DIDO1: variants seen among roughly 807,000 people sequenced by gnomAD.
DIDO1 encodes death-inducer obliterator 1.
DIDO1 carries 16 observed loss-of-function variants against 99.4 expected under a neutral mutation model. The ratio of observed to expected loss-of-function variants is 0.16; its 90% CI spans 0.11 to 0.24. The LOEUF (loss-of-function observed/expected upper bound fraction) is 0.24, where lower values mean the gene tolerates loss of function less well. Among genes scored for constraint, DIDO1 ranks in the 10% least tolerant of loss-of-function variants. The pLI, the probability that DIDO1 is intolerant of heterozygous loss-of-function variation, is 1.00. For synonymous variants in DIDO1, 1,366 were observed against 1,239.1 expected (o/e 1.10, Z -2.15); for missense variants, 2,996 against 3,014.0 (o/e 0.99, Z 0.14).
In DIDO1 at chr20:62,881,287, G is replaced by A. The variant is rs1487504993; in HGVS notation, c.4669C>T (p.His1557Tyr). The change falls in exon 16 of 16, where the codon CAC (histidine) becomes TAC (tyrosine). Residue 1557 changes from histidine to tyrosine, a missense_variant. Physicochemically the swap from His to Tyr is moderately conservative, Grantham distance 83. This residue lies in a region of DIDO1 where 1,562 missense variants were observed against 1,412.6 expected (regional missense o/e 1.11). Transcript: ENST00000395343. The surrounding 1 kb of genome is among the most constrained non-coding windows in gnomAD (Gnocchi z 8.3). ...CGCCTCGCCTGCCGGGGGTCCCTGT[G>A]GTTTGACGCCTGGCTGGCGGGGGGC... ...SLPPASQASN[H>Y]RDPRQARRLA... 1 of 1,605,204 alleles carries A rather than the reference G, an allele frequency of 6.2e-7. No individual in the cohort carries two copies. The highest frequency in any genetic ancestry group is 8.5e-7 in the Non-Finnish European group (1 of 1,179,720).
At chr20:62,882,445 G>T (rs764249151) in intron 15 of DIDO1, 31 bp from the exon 16 acceptor site, 2 of 1,581,920 alleles carry the variant, frequency 1.3e-6, no homozygotes, top group East Asian at 2.2e-5. Flanking sequence ...GCAAATTTTA[G>T]AATCTAAATC....
chr20:62,930,930 T>C (rs1191121302), upstream of DIDO1, among the ~76,000 whole-genome samples: 1 of 152,220 alleles, frequency 6.6e-6, no homozygotes, highest in Non-Finnish European at 1.5e-5. Context: ...TTAGAAAGAA[T>C]GAGCTGCAGT....
rs74385125 is a variant in DIDO1 at position 62,923,188 on chromosome 20, T to A, written c.-200+3251A>T. 7.9e-3 allele frequency among the ~76,000 whole-genome samples: 1,203 copies of A among 151,910 alleles called. 8 individuals carry two copies. Among genetic ancestry groups the A allele is most frequent in the African/African-American group, 0.019 (790 of 41,422 alleles). Reference sequence around the variant, plus strand: ...CATGCTTGGCCTAATTATTATTATTTTTTTTTTGAGACAGAGTCTCACTGT... The same window carrying A: ...CATGCTTGGCCTAATTATTATTATTATTTTTTTGAGACAGAGTCTCACTGT... On this transcript the variant is annotated intron_variant, in intron 1 of 15. Coordinates refer to ENST00000395343, the MANE Select transcript of DIDO1 (RefSeq NM_001193369.2).
intron 5 of DIDO1, 126 bp from the exon 6 acceptor site, chr20:62,906,226 C>A (rs1600982823): frequency 8.0e-7 from 1 of 1,254,002 alleles, no homozygotes; most frequent in East Asian, 2.4e-5. Flanking sequence ...CTGCACCCAT[C>A]CTGCGCCTGC....
intron 4 of DIDO1, among the ~76,000 whole-genome samples, chr20:62,909,143 G>C (rs1336584745): frequency 1.3e-5 from 2 of 152,242 alleles, no homozygotes; most frequent in Non-Finnish European, 2.9e-5. Context: ...AGCTGGGTGG[G>C]GACAGGCCCG....
At chr20:62,884,823 C>T (rs540128229) in intron 15 of DIDO1, among the ~76,000 whole-genome samples, 2 of 152,136 alleles carry the variant, frequency 1.3e-5, no homozygotes, top group African/African-American at 2.4e-5. Context: ...CACTCTCTGT[C>T]CCCCGGATAG....
intron 15 of DIDO1, chr20:62,888,373 G>A: frequency 1.0e-6 from 1 of 985,476 alleles, no homozygotes; most frequent in Non-Finnish European, 1.2e-6. Flanking sequence ...GATGCAGACG[G>A]GCAGCTCAAG....
chr20:62,894,124 T>A lies in DIDO1; in HGVS notation c.2643A>T (p.Glu881Asp). ...KQKLSASVKKEDLKSKHDSSA... is the reference protein window; with the variant it reads ...KQKLSASVKKDDLKSKHDSSA... ...AGCTGTCATGCTTTGATTTTAAGTC[T>A]TCTTTCTTAACAGAAGCTGACAATT... Residue 881 changes from glutamate (E) to aspartate (D), a missense_variant, in exon 12 of 16, where the codon GAA (glutamate) becomes GAT (aspartate). By Grantham distance (45) the Glu-to-Asp change is conservative. Around this residue, in one of 5 missense-constraint regions of DIDO1, gnomAD observed 898 missense variants for 972.7 expected, o/e 0.92. Transcript: ENST00000395343. The surrounding 1 kb of genome is among the most constrained non-coding windows in gnomAD (Gnocchi z 4.4). 1 of 1,614,240 alleles carries A rather than the reference T, an allele frequency of 6.2e-7. No homozygotes were observed. Among genetic ancestry groups the A allele is most frequent in the South Asian group, 1.1e-5 (1 of 91,090 alleles).
At position 62,896,420 on chromosome 20, in the gene DIDO1, A is replaced by AT. The variant is rs749347443; in HGVS notation, c.2055-29dup. On this transcript the variant is annotated intron_variant, in intron 7 of 15. Coordinates refer to ENST00000395343, the MANE Select transcript of DIDO1 (RefSeq NM_001193369.2). This position sits in a 1 kb window ranked among gnomAD's most constrained non-coding sequence, Gnocchi z 4.4. ...GAACAGAATAAAAAAAAGGAACTAC[A>AT]TAAGACACTTGTGTATATTAAACTT... is the stretch of plus-strand genomic sequence containing the variant. 1 of 1,603,872 alleles carries AT rather than the reference A, an allele frequency of 6.2e-7. No homozygotes were observed. Among genetic ancestry groups the AT allele is most frequent in the Non-Finnish European group, 8.5e-7 (1 of 1,177,632 alleles).
At position 62,878,056 on chromosome 20, in the gene DIDO1, C is replaced by T. The variant is rs573417386; in HGVS notation, c.*1177G>A. ...TGATACATTCTCAATGTTTTCTTAA[C>T]TTAAAAAATCTGTGCTATAAAGTGA... is the stretch of plus-strand genomic sequence containing the variant. On this transcript the variant is annotated 3_prime_UTR_variant, in exon 16 of 16. Transcript: ENST00000395343. The T allele has an allele frequency of 1.3e-5, 2 of 152,258 alleles. No homozygotes were observed. The highest frequency in any genetic ancestry group is 4.1e-4 in the South Asian group (2 of 4,828). The allele number at this position is 152,258 out of a possible 1,614,324, so 9.4% of individuals were successfully genotyped here.
intron 1 of DIDO1, among the ~76,000 whole-genome samples, chr20:62,915,754 A>T (rs1232593528): frequency 1.3e-5 from 2 of 152,150 alleles, no homozygotes; most frequent in African/African-American, 4.8e-5. Flanking sequence ...CAGCCTCCAG[A>T]GTTTTGGGGA....
chr20:62,930,952 T>C (rs528209558), upstream of DIDO1, among the ~76,000 whole-genome samples: 5 of 152,344 alleles, frequency 3.3e-5, no homozygotes, highest in Admixed American at 2.0e-4. Context: ...TGTGTTGTTG[T>C]TTTCCTTGAG....
chr20:62,896,296 T>G lies in DIDO1; in HGVS notation c.2151A>C (p.Thr717=), dbSNP rs369315152. ...EKEMFNLFQV[T]DNRYKSKYRS... The stretch of plus-strand genomic sequence containing the variant: ...GATATTTACTCTTGTAGCGATTATC[T>G]GTAACTTGAAACAAGTTAAACATCT... Residue 717 remains threonine (T), a synonymous_variant, in exon 8 of 16, where the codon ACA becomes ACC. Transcript: ENST00000395343. The surrounding 1 kb of genome is among the most constrained non-coding windows in gnomAD (Gnocchi z 4.4). 1 of 1,613,890 alleles carries G rather than the reference T, an allele frequency of 6.2e-7. No homozygotes were observed. Among genetic ancestry groups the G allele is most frequent in the African/African-American group, 1.3e-5 (1 of 74,902 alleles).
rs143908148 is a variant in DIDO1 at position 62,881,412 on chromosome 20, G to C, written c.4544C>G (p.Ser1515Trp). 91 of 1,607,552 alleles carry C rather than the reference G, an allele frequency of 5.7e-5. No homozygotes were observed. The highest frequency in any genetic ancestry group is 7.2e-5 in the Non-Finnish European group (85 of 1,179,964). The change falls in exon 16 of 16, where the codon TCG (serine) becomes TGG (tryptophan). Residue 1515 changes from serine to tryptophan, a missense_variant. By Grantham distance (177) the Ser-to-Trp change is radical (BLOSUM62 -3). Coordinates refer to ENST00000395343, the MANE Select transcript of DIDO1 (RefSeq NM_001193369.2). The surrounding 1 kb of genome is among the most constrained non-coding windows in gnomAD (Gnocchi z 8.3). ...AAVGVSMAHF[S>W]VSDALMSPPP... ...TGGAGACATCAAGGCGTCCGACACC[G>C]AGAAGTGGGCCATGGAGACCCCGAC...
At position 62,881,274 on chromosome 20, in the gene DIDO1, C is replaced by A; in HGVS notation, c.4682G>T (p.Arg1561Leu). The change falls in exon 16 of 16, where the codon CGG (arginine) becomes CTG (leucine). Residue 1561 changes from arginine to leucine, a missense_variant. This residue lies in a region of DIDO1 where 1,562 missense variants were observed against 1,412.6 expected (regional missense o/e 1.11). Transcript: ENST00000395343. The surrounding 1 kb of genome is among the most constrained non-coding windows in gnomAD (Gnocchi z 8.3). ...CTCAGTGGCCAGGCGCCTCGCCTGC[C>A]GGGGGTCCCTGTGGTTTGACGCCTG... ...ASQASNHRDPRQARRLATETG... is the reference protein window; with the variant it reads ...ASQASNHRDPLQARRLATETG... 1.9e-6 allele frequency: 3 copies of A among 1,604,370 alleles called. No individual in the cohort carries two copies. The South Asian group carries it at 3.3e-5, about 18-fold the overall frequency.
intron 15 of DIDO1, chr20:62,889,345 G>C (rs577113115): frequency 9.2e-6 from 9 of 975,504 alleles, no homozygotes; most frequent in Non-Finnish European, 9.7e-6. Flanking sequence ...CCCGGCATGC[G>C]CCGGGGCTCG....
intron 13 of DIDO1, 65 bp from the exon 14 acceptor site, chr20:62,892,141 C>A: frequency 7.3e-7 from 1 of 1,375,994 alleles, no homozygotes; most frequent in East Asian, 2.4e-5. Context: ...ACGAATGCAG[C>A]CATGTGAAGG....
At chr20:62,912,023 G>A (rs1365140119) in intron 2 of DIDO1, among the ~76,000 whole-genome samples, 1 of 152,240 alleles carries the variant, frequency 6.6e-6, no homozygotes, top group Non-Finnish European at 1.5e-5. Flanking sequence ...TCCGCAGGCA[G>A]ATGGGCTGCT....
In DIDO1 at chr20:62,896,683, C is replaced by T; in HGVS notation, c.1902G>A (p.Leu634=). The change falls in exon 7 of 16, where the codon TTG becomes TTA. Residue 634 remains leucine (L), a synonymous_variant. Transcript: ENST00000395343. This position sits in a 1 kb window ranked among gnomAD's most constrained non-coding sequence, Gnocchi z 4.4. ...ASKKFPGSAA[L]VGAVRKPVVP... Reference sequence around the variant, plus strand: ...CCACTGGCTTCCTTACGGCTCCCACCAAAGCAGCGGAGCCAGGGAACTTCT... The same window carrying T: ...CCACTGGCTTCCTTACGGCTCCCACTAAAGCAGCGGAGCCAGGGAACTTCT... The T allele has an allele frequency of 1.2e-6, 2 of 1,614,024 alleles. No homozygotes were observed. Among genetic ancestry groups the T allele is most frequent in the Non-Finnish European group, 1.7e-6 (2 of 1,180,004 alleles).
Sources: allele counts gnomAD v4.1 joint callset (sites outside exome capture counted in the v4.1 genomes callset), GRCh38; gene constraint gnomAD v4.1.1; regional missense constraint gnomAD v4.1.1; non-coding constraint Gnocchi (gnomAD v3.1); transcripts MANE v1.5; gene names NCBI Gene and HGNC (gene_info 2026-07-23, HGNC 2026-07-21).